The following MYO16 variants were observed in gnomAD, a reference collection of about 807,000 sequenced individuals.
MYO16 encodes unconventional myosin-XVI.
MYO16 carries 94 observed loss-of-function variants against 205.3 expected under a neutral mutation model. The ratio of observed to expected loss-of-function variants is 0.46; its 90% CI spans 0.39 to 0.54. The LOEUF (loss-of-function observed/expected upper bound fraction) is 0.54, where lower values mean the gene tolerates loss of function less well. MYO16 is among the 20% of genes least tolerant of loss of function. The pLI is 0.00. For synonymous variants in MYO16, 988 were observed against 954.0 expected, an observed-to-expected ratio of 1.04 and a Z score of -0.66; for missense variants, 2,315 against 2,387.5, an observed-to-expected ratio of 0.97 and a Z score of 0.63.
intron 4 of MYO16, among the ~76,000 whole-genome samples, chr13:108,774,445 G>A (rs1450527435): frequency 1.3e-5 from 2 of 152,196 alleles, no homozygotes; most frequent in African/African-American, 4.8e-5. Flanking sequence ...GCTCCCTATA[G>A]GAACTATGCA....
At chr13:108,560,004 C>T in the MYO16 span, among the ~76,000 whole-genome samples, 2 of 152,178 alleles carry the variant, frequency 1.3e-5, no homozygotes, top group Non-Finnish European at 2.9e-5. Context: ...GCCCCTCTAA[C>T]ACCCTTCCTA....
intron 2 of MYO16, among the ~76,000 whole-genome samples, chr13:108,681,174 ATG>A (rs140113837): frequency 6.6e-6 from 1 of 151,956 alleles, no homozygotes; most frequent in African/African-American, 2.4e-5. Flanking sequence ...TCTTTCCCAC[ATG>A]TGTGTGTGTG....
chr13:108,752,886 C>T (rs1272628877), intron 4 of MYO16, among the ~76,000 whole-genome samples: 2 of 136,434 alleles, frequency 1.5e-5, no homozygotes, highest in Non-Finnish European at 3.1e-5. Flanking sequence ...AGGCTGGTCT[C>T]GAACTCCTGA....
chr13:108,597,472 C>A (rs1878603111), intron 1 of MYO16, among the ~76,000 whole-genome samples: 1 of 152,090 alleles, frequency 6.6e-6, no homozygotes, highest in Non-Finnish European at 1.5e-5. Flanking sequence ...GGATTCAGCT[C>A]ATCCTACACC....
intron 1 of MYO16, among the ~76,000 whole-genome samples, chr13:108,597,189 A>G (rs1878594061): frequency 6.6e-6 from 1 of 152,216 alleles, no homozygotes; most frequent in African/African-American, 2.4e-5. Context: ...CAACAAACTC[A>G]TGAGTTAGAC....
intron 2 of MYO16, among the ~76,000 whole-genome samples, chr13:108,678,938 G>C (rs1882342170): frequency 6.6e-6 from 1 of 152,154 alleles, no homozygotes; most frequent in Non-Finnish European, 1.5e-5. Flanking sequence ...CTGCTTTCCA[G>C]TTCATCAATG....
chr13:109,139,822 A>ATATTATTAT (rs148872505), intron 31 of MYO16, among the ~76,000 whole-genome samples: 3 of 151,554 alleles, frequency 2.0e-5, no homozygotes, highest in Non-Finnish European at 4.4e-5. Flanking sequence ...TCGGGGGTTG[A>ATATTATTAT]TATTATTATT....
chr13:108,736,156 C>T (rs1418134394), intron 4 of MYO16, among the ~76,000 whole-genome samples: 1 of 152,094 alleles, frequency 6.6e-6, no homozygotes, highest in Admixed American at 6.6e-5. Flanking sequence ...TAATTAGATC[C>T]CATTTGTCAA....
At chr13:109,197,599 A>G (rs1880214178) in intron 34 of MYO16, among the ~76,000 whole-genome samples, 1 of 152,146 alleles carries the variant, frequency 6.6e-6, no homozygotes, top group Non-Finnish European at 1.5e-5. Flanking sequence ...GCAGTAACTA[A>G]TTCTACCCAC....
the MYO16 span, among the ~76,000 whole-genome samples, chr13:108,574,010 C>G: frequency 1.3e-5 from 2 of 152,088 alleles, no homozygotes; most frequent in East Asian, 3.9e-4. Context: ...GTCAGCACAC[C>G]TGGCTAATTT....
chr13:108,873,220 C>T (rs1305198596), intron 12 of MYO16, among the ~76,000 whole-genome samples: 1 of 151,736 alleles, frequency 6.6e-6, no homozygotes, highest in Non-Finnish European at 1.5e-5. Context: ...AATTACTTTA[C>T]AAGAAAAAAA....
chr13:108,559,605 C>G, the MYO16 span, among the ~76,000 whole-genome samples: 4 of 150,650 alleles, frequency 2.7e-5, no homozygotes, highest in Admixed American at 6.7e-5. Flanking sequence ...TCCCGAGTAG[C>G]TGGGACTACA....
At chr13:108,710,492 A>T (rs1348824858) in intron 2 of MYO16, among the ~76,000 whole-genome samples, 1 of 152,296 alleles carries the variant, frequency 6.6e-6, no homozygotes, top group East Asian at 1.9e-4. Context: ...TCTATGATAT[A>T]TTATTATGGG....
chr13:109,024,189 A>G (rs565269939), intron 23 of MYO16, among the ~76,000 whole-genome samples: 1 of 151,500 alleles, frequency 6.6e-6, no homozygotes, highest in African/African-American at 2.4e-5. Flanking sequence ...GAAAACAGCA[A>G]TCTTAGACTT....
chr13:108,750,116 C>T (rs1328430756), intron 4 of MYO16, among the ~76,000 whole-genome samples: 3 of 151,996 alleles, frequency 2.0e-5, no homozygotes, highest in Admixed American at 6.6e-5. Context: ...AGAGGAAAGG[C>T]GAATAGGTGA....
At chr13:108,893,949 G>A (rs1880291659) in intron 14 of MYO16, among the ~76,000 whole-genome samples, 1 of 152,116 alleles carries the variant, frequency 6.6e-6, no homozygotes, top group Admixed American at 6.6e-5. Context: ...TTCTCATACT[G>A]CCATAAAGAT....
chr13:108,880,077 C>G (rs1879534988), intron 12 of MYO16, among the ~76,000 whole-genome samples: 1 of 152,194 alleles, frequency 6.6e-6, no homozygotes, highest in Non-Finnish European at 1.5e-5. Context: ...GATGGTATCT[C>G]ATTGCGGTTT....
intron 24 of MYO16, among the ~76,000 whole-genome samples, chr13:109,047,771 T>G (rs1887094199): frequency 6.6e-6 from 1 of 152,106 alleles, no homozygotes; most frequent in Non-Finnish European, 1.5e-5. Context: ...CAGGATAGCT[T>G]TTTCGTGAAA....
chr13:108,880,986 A>G (rs1284800368), intron 12 of MYO16, among the ~76,000 whole-genome samples: 1 of 151,982 alleles, frequency 6.6e-6, no homozygotes, highest in Non-Finnish European at 1.5e-5. Context: ...GGACAGACTG[A>G]CTCCCCAAGT....
Sources: gnomAD v4.1 joint callset for allele counts (sites outside exome capture counted in the v4.1 genomes callset) on GRCh38, gnomAD v4.1.1 for gene constraint, MANE v1.5 for transcripts, NCBI Gene and HGNC (gene_info 2026-07-23, HGNC 2026-07-21) for gene names.